Variants in ATP8A1 observed in about 807,000 individuals in gnomAD.
The protein encoded by ATP8A1 is ATPase phospholipid transporting 8A1, also known as phospholipid-transporting ATPase IA.
In ATP8A1, 90 loss-of-function variants were observed where a neutral mutation model predicts 177.7. The ratio of observed to expected loss-of-function variants is 0.51; its 90% confidence interval spans 0.43 to 0.60. ATP8A1 has a LOEUF of 0.60. ATP8A1 is among the 20% of genes least tolerant of loss of function. The pLI is 0.00. For synonymous variants in ATP8A1, 493 were observed against 485.9 expected, an observed-to-expected ratio of 1.01 and a Z score of -0.19; for missense variants, 1,072 against 1,392.8, an observed-to-expected ratio of 0.77 and a Z score of 3.67.
intron 1 of ATP8A1, among the ~76,000 whole-genome samples, chr4:42,639,472 A>G (rs958401676): frequency 3.3e-5 from 5 of 152,202 alleles, no homozygotes; most frequent in Non-Finnish European, 7.4e-5. Flanking sequence ...CTTTGCTTCA[A>G]TCGTCTATCA....
Position 42,412,287 on chromosome 4 carries a change from T to C in ATP8A1, c.*629A>G, listed in dbSNP as rs1342837538. 1 of 152,230 alleles carries C rather than the reference T, an allele frequency of 6.6e-6. No homozygotes were observed. The highest frequency in any genetic ancestry group is 1.5e-5 in the Non-Finnish European group (1 of 68,032). 9.4% of individuals were successfully genotyped at this position (152,230 alleles called of 1,614,324 possible). On this transcript the variant is annotated 3_prime_UTR_variant, in exon 37 of 37. Coordinates refer to ENST00000381668, the MANE Select transcript of ATP8A1 (RefSeq NM_006095.2). ...GTAAATCACTCTTACATTTGGAAAG[T>C]CAGGCATGCAGATCTTACAGCGGAA...
Position 42,551,240 on chromosome 4 carries a change from A to G in ATP8A1, c.1560T>C (p.Phe520=). ...ALVRAAKQLN[F]VFTGRTPDSV... is the part of the protein sequence containing the mutation. ...AGTCGGGTGTTCTTCCAGTGAAAAC[A>G]AAATTCAATTGCTTGGCTGCTCTGA... The change falls in exon 18 of 37, where the codon TTT becomes TTC. Residue 520 remains phenylalanine, a synonymous_variant. Coordinates refer to ENST00000381668, the MANE Select transcript of ATP8A1 (RefSeq NM_006095.2). 1 of 1,614,012 alleles carries G rather than the reference A, an allele frequency of 6.2e-7. No individual in the cohort carries two copies. Among genetic ancestry groups the G allele is most frequent in the Non-Finnish European group, 8.5e-7 (1 of 1,179,930 alleles).
chr4:42,604,205 A>G (rs1735571247), intron 5 of ATP8A1, among the ~76,000 whole-genome samples: 1 of 152,174 alleles, frequency 6.6e-6, no homozygotes, highest in Admixed American at 6.5e-5. Context: ...TTCTCAGGGG[A>G]CATTGTGTTG....
chr4:42,462,804 A>C (rs978755598), intron 27 of ATP8A1, among the ~76,000 whole-genome samples: 1 of 152,168 alleles, frequency 6.6e-6, no homozygotes, highest in Non-Finnish European at 1.5e-5. Context: ...GTATCCTGTA[A>C]AGCCACGGGG....
At chr4:42,531,605 T>A (rs1727266966) in intron 20 of ATP8A1, among the ~76,000 whole-genome samples, 1 of 152,090 alleles carries the variant, frequency 6.6e-6, no homozygotes, top group African/African-American at 2.4e-5. Context: ...GGAATACAAA[T>A]TGGAAAAGAG....
At chr4:42,524,646 A>T (rs1279833550) in intron 21 of ATP8A1, 117 bp downstream of exon 21, 1 of 557,730 alleles carries the variant, frequency 1.8e-6, no homozygotes, top group Non-Finnish European at 3.0e-6. Flanking sequence ...AATTGCCAAC[A>T]GCTGATATCT....
intron 5 of ATP8A1, among the ~76,000 whole-genome samples, chr4:42,603,620 C>T (rs1024991588): frequency 1.3e-5 from 2 of 152,152 alleles, no homozygotes; most frequent in African/African-American, 4.8e-5. Flanking sequence ...GCCTTTGAAA[C>T]TCTGGAATAA....
chr4:42,449,701 A>G (rs1717727250), intron 30 of ATP8A1, among the ~76,000 whole-genome samples: 1 of 152,210 alleles, frequency 6.6e-6, no homozygotes, highest in Non-Finnish European at 1.5e-5. Context: ...TAAAAAAAGA[A>G]AGCAAATGTT....
chr4:42,640,619 A>G (rs1011736349), intron 1 of ATP8A1, among the ~76,000 whole-genome samples: 4 of 152,222 alleles, frequency 2.6e-5, no homozygotes, highest in Non-Finnish European at 4.4e-5. Context: ...ACACGATTCC[A>G]TGATTATGAA....
intron 8 of ATP8A1, among the ~76,000 whole-genome samples, chr4:42,587,693 G>T (rs952513660): frequency 6.6e-6 from 1 of 150,660 alleles, no homozygotes; most frequent in Non-Finnish European, 1.5e-5. Context: ...TGCAAGCTCC[G>T]CCTCCCGGGT....
At chr4:42,625,746 T>G (rs1737996670) in intron 2 of ATP8A1, 33 bp from the exon 3 acceptor site, 2 of 1,323,360 alleles carry the variant, frequency 1.5e-6, no homozygotes, top group African/African-American at 1.5e-5. Context: ...AGCATAAAAC[T>G]TCTCCATAAT....
intron 30 of ATP8A1, among the ~76,000 whole-genome samples, chr4:42,448,873 T>C (rs1219278597): frequency 8.2e-6 from 1 of 121,716 alleles, no homozygotes; most frequent in Non-Finnish European, 1.6e-5. Context: ...TCTTGTTCTG[T>C]CGCCCAGGCT....
intron 30 of ATP8A1, 98 bp from the exon 31 acceptor site, chr4:42,446,742 A>T (rs1717302122): frequency 2.8e-6 from 3 of 1,057,652 alleles, no homozygotes; most frequent in African/African-American, 3.2e-5. Flanking sequence ...AGGGAAATCA[A>T]GGGATACACA....
intron 1 of ATP8A1, among the ~76,000 whole-genome samples, chr4:42,635,267 G>C (rs541603426): frequency 1.3e-5 from 2 of 152,132 alleles, no homozygotes; most frequent in Admixed American, 1.3e-4. Flanking sequence ...CTGTTGCCTG[G>C]TAATACGGTT....
Position 42,429,272 on chromosome 4 carries a change from C to T in ATP8A1, c.3124-5567G>A, listed in dbSNP as rs182536463. Among the ~76,000 whole-genome samples the T allele has an allele frequency of 3.3e-5, 5 of 152,096 alleles. No homozygotes were observed. The East Asian group carries it at 7.7e-4, about 24-fold the overall frequency. ...GGCTGCCTTTTCTGTTGAAGGTTGA[C>T]GAGTGTGCATTAAAAGCTAAATATG... On this transcript the variant is annotated intron_variant, in intron 33 of 36. Transcript: ENST00000381668.
chr4:42,524,083 T>G (rs1231217919), intron 21 of ATP8A1, among the ~76,000 whole-genome samples: 1 of 152,178 alleles, frequency 6.6e-6, no homozygotes, highest in Non-Finnish European at 1.5e-5. Context: ...TACAAATTCT[T>G]GTAGTAACTG....
intron 14 of ATP8A1, 58 bp downstream of exon 14, chr4:42,574,561 A>G (rs1389095536): frequency 7.1e-7 from 1 of 1,401,774 alleles, no homozygotes; most frequent in African/African-American, 1.4e-5. Flanking sequence ...CAAATGTACC[A>G]AACTGTTAGC....
At chr4:42,603,849 C>G (rs1037364029) in intron 5 of ATP8A1, among the ~76,000 whole-genome samples, 10 of 152,168 alleles carry the variant, frequency 6.6e-5, no homozygotes, top group African/African-American at 1.9e-4. Flanking sequence ...TAAGGATTAT[C>G]TATGATGATT....
chr4:42,532,939 G>A (rs138379025), intron 20 of ATP8A1, among the ~76,000 whole-genome samples: 14 of 152,164 alleles, frequency 9.2e-5, no homozygotes, highest in African/African-American at 2.4e-4. Flanking sequence ...TACTTTGTAC[G>A]CCTATCCCAA....
Sources: allele counts gnomAD v4.1 joint callset (sites outside exome capture counted in the v4.1 genomes callset), GRCh38; gene constraint gnomAD v4.1.1; transcripts MANE v1.5; gene names NCBI Gene and HGNC (gene_info 2026-07-23, HGNC 2026-07-21).